The following RALYL variants were observed in gnomAD, a reference collection of about 807,000 sequenced individuals.
RALYL encodes the protein RNA-binding Raly-like protein.
A neutral mutation model predicts 35.1 loss-of-function variants in RALYL; 29 were observed. The observed-to-expected ratio is 0.83, with a 90% CI of 0.61 to 1.13. RALYL has a LOEUF of 1.13. RALYL is among the 50% of genes most tolerant of loss of function. The pLI, the probability that RALYL is intolerant of heterozygous loss-of-function variation, is 0.00. For synonymous variants in RALYL, 120 were observed against 127.6 expected (o/e 0.94, Z 0.40); for missense variants, 359 against 360.4 (o/e 1.00, Z 0.03).
chr8:84,676,514 C>A (rs540176588), intron 2 of RALYL, among the ~76,000 whole-genome samples: 220 of 152,264 alleles, frequency 1.4e-3, no homozygotes, highest in African/African-American at 5.0e-3. Context: ...GTTATGTGAG[C>A]AAACTGATTT....
At chr8:84,436,545 T>G (rs2047738658) in intron 1 of RALYL, among the ~76,000 whole-genome samples, 1 of 23,108 alleles carries the variant, frequency 4.3e-5, no homozygotes, top group Non-Finnish European at 7.1e-5. Flanking sequence ...TCATGGGAGT[T>G]TTTTTTTTTT....
intron 1 of RALYL, among the ~76,000 whole-genome samples, chr8:84,210,857 T>G (rs1217103298): frequency 4.7e-5 from 7 of 148,324 alleles, no homozygotes; most frequent in Non-Finnish European, 9.0e-5. Context: ...TGTCATGTCA[T>G]AGCTAGCTCT....
chr8:84,360,004 C>A (rs978928863), intron 1 of RALYL, among the ~76,000 whole-genome samples: 3 of 151,630 alleles, frequency 2.0e-5, no homozygotes, highest in African/African-American at 7.3e-5. Flanking sequence ...TCCCAAGTAG[C>A]TAGAACTACA....
chr8:84,597,035 T>C (rs1814720360), intron 2 of RALYL, among the ~76,000 whole-genome samples: 1 of 152,130 alleles, frequency 6.6e-6, no homozygotes, highest in African/African-American at 2.4e-5. Context: ...TATGCTTTAA[T>C]AGGAAAACGA....
chr8:84,342,718 G>C (rs1274686796), intron 1 of RALYL, among the ~76,000 whole-genome samples: 1 of 151,918 alleles, frequency 6.6e-6, no homozygotes, highest in Admixed American at 6.6e-5. Flanking sequence ...TGGGTAATAT[G>C]TTGTTTCATC....
intron 8 of RALYL, among the ~76,000 whole-genome samples, chr8:84,909,820 A>T (rs1563850870): frequency 6.6e-6 from 1 of 152,140 alleles, no homozygotes; most frequent in African/African-American, 2.4e-5. Context: ...AGTGCATGTA[A>T]GTTTTTAACT....
intron 2 of RALYL, among the ~76,000 whole-genome samples, chr8:84,743,431 C>A (rs188507197): frequency 2.6e-5 from 4 of 151,758 alleles, no homozygotes; most frequent in Admixed American, 2.6e-4. Flanking sequence ...CTTCCCCTCA[C>A]CACCAACAAA....
At chr8:84,838,248 G>A (rs1036038166) in intron 4 of RALYL, among the ~76,000 whole-genome samples, 1 of 152,120 alleles carries the variant, frequency 6.6e-6, no homozygotes, top group Non-Finnish European at 1.5e-5. Flanking sequence ...ATTTCAAATA[G>A]AGGTTCACTC....
At chr8:84,231,962 A>C (rs2131440555) in intron 1 of RALYL, among the ~76,000 whole-genome samples, 1 of 152,332 alleles carries the variant, frequency 6.6e-6, no homozygotes, top group Admixed American at 6.5e-5. Flanking sequence ...GGTATTTAAT[A>C]AATAATAAAG....
chr8:84,494,690 T>C (rs939517834), intron 1 of RALYL, among the ~76,000 whole-genome samples: 1 of 152,130 alleles, frequency 6.6e-6, no homozygotes, highest in Admixed American at 6.6e-5. Flanking sequence ...ATGATTTGGC[T>C]CTCTGTTTGT....
intron 3 of RALYL, among the ~76,000 whole-genome samples, chr8:84,777,648 T>TGTTTC (rs1384501061): frequency 6.6e-6 from 1 of 152,160 alleles, no homozygotes; most frequent in Non-Finnish European, 1.5e-5. Flanking sequence ...TGTTTTGTTT[T>TGTTTC]ATTTTGCTTT....
At chr8:84,641,713 C>T (rs529572912) in intron 2 of RALYL, among the ~76,000 whole-genome samples, 3 of 148,796 alleles carry the variant, frequency 2.0e-5, no homozygotes, top group Non-Finnish European at 4.4e-5. Context: ...AACTTAAGCA[C>T]GTGTGTATTT....
intron 8 of RALYL, among the ~76,000 whole-genome samples, chr8:84,903,253 G>A (rs2135579337): frequency 6.6e-6 from 1 of 152,164 alleles, no homozygotes; most frequent in East Asian, 1.9e-4. Flanking sequence ...TTTGAAAGAA[G>A]TTATTTTCAT....
chr8:84,580,772 A>G (rs1051700632), intron 2 of RALYL, among the ~76,000 whole-genome samples: 4 of 152,190 alleles, frequency 2.6e-5, no homozygotes, highest in Non-Finnish European at 4.4e-5. Flanking sequence ...TTGCTGCATA[A>G]TAAGTCACCC....
intron 1 of RALYL, among the ~76,000 whole-genome samples, chr8:84,249,216 G>A (rs1469268880): frequency 6.6e-6 from 1 of 152,042 alleles, no homozygotes; most frequent in Admixed American, 6.6e-5. Flanking sequence ...AAGATTGCCT[G>A]GAACTTGATA....
chr8:84,733,327 G>A (rs765813533), intron 2 of RALYL, among the ~76,000 whole-genome samples: 18 of 152,130 alleles, frequency 1.2e-4, no homozygotes, highest in Non-Finnish European at 1.8e-4. Flanking sequence ...TCATCCACCT[G>A]TACCATCTCC....
chr8:84,337,341 T>G (rs1382070875), intron 1 of RALYL, among the ~76,000 whole-genome samples: 2 of 151,560 alleles, frequency 1.3e-5, no homozygotes, highest in Non-Finnish European at 2.9e-5. Flanking sequence ...TTTTTTTTTT[T>G]CTTTATATTG....
At chr8:84,674,214 A>G (rs1833779683) in intron 2 of RALYL, among the ~76,000 whole-genome samples, 1 of 152,082 alleles carries the variant, frequency 6.6e-6, no homozygotes, top group African/African-American at 2.4e-5. Context: ...TAATTTTTTC[A>G]CATTGATTTT....
chr8:84,612,943 T>C (rs1818640757), intron 2 of RALYL, among the ~76,000 whole-genome samples: 1 of 151,758 alleles, frequency 6.6e-6, no homozygotes, highest in African/African-American at 2.4e-5. Context: ...TTAGTTTTCG[T>C]AGTAAAATTT....
Sources: gnomAD v4.1 joint callset for allele counts (sites outside exome capture counted in the v4.1 genomes callset) on GRCh38, gnomAD v4.1.1 for gene constraint, MANE v1.5 for transcripts, NCBI Gene and HGNC (gene_info 2026-07-23, HGNC 2026-07-21) for gene names.